The following TRPC4AP variants were observed in gnomAD, a reference collection of about 807,000 sequenced individuals.
The protein encoded by TRPC4AP is transient receptor potential cation channel subfamily C member 4 associated protein.
In TRPC4AP, 45 loss-of-function variants were observed where a neutral mutation model predicts 99.0. The observed-to-expected ratio is 0.45, with a 90% CI of 0.36 to 0.58. The LOEUF (loss-of-function observed/expected upper bound fraction) is 0.58, where lower values mean the gene tolerates loss of function less well. Among genes scored for constraint, TRPC4AP ranks in the 20% least tolerant of loss-of-function variants. The probability of loss-of-function intolerance (pLI) is 0.00; values close to 1 mark genes in which losing one functional copy is unlikely to be tolerated. For synonymous variants in TRPC4AP, 408 were observed against 385.8 expected (o/e 1.06, Z -0.67); for missense variants, 879 against 985.3 (o/e 0.89, Z 1.44).
At chr20:35,068,946 TACACAC>T (rs71196783) in intron 3 of TRPC4AP, among the ~76,000 whole-genome samples, 12 of 113,174 alleles carry the variant, frequency 1.1e-4, no homozygotes, top group Non-Finnish European at 1.9e-4. Flanking sequence ...GGGGAATATT[TACACAC>T]ACACACACAC....
At chr20:35,075,211 C>T (rs985124033) in intron 2 of TRPC4AP, among the ~76,000 whole-genome samples, 4 of 152,038 alleles carry the variant, frequency 2.6e-5, no homozygotes, top group Admixed American at 2.0e-4. Flanking sequence ...GACTCTTTAT[C>T]CAATTTGCCA....
intron 8 of TRPC4AP, among the ~76,000 whole-genome samples, chr20:35,032,467 C>CTTTTTTTT (rs35808832): frequency 1.2e-4 from 11 of 95,232 alleles, no homozygotes; most frequent in Non-Finnish European, 1.8e-4. Context: ...GTTCTTTGAT[C>CTTTTTTTT]TTTTTTTTTT....
intron 1 of TRPC4AP, among the ~76,000 whole-genome samples, chr20:35,078,688 T>TA (rs889798173): frequency 6.6e-4 from 101 of 152,246 alleles, no homozygotes; most frequent in African/African-American, 2.3e-3. Context: ...GGAAAGAGAC[T>TA]AAAAGAATGG....
At position 35,068,978 on chromosome 20, in the gene TRPC4AP, C is replaced by CAAAAAA. The variant is rs1555914270; in HGVS notation, c.414+312_414+317dup. On this transcript the variant is annotated intron_variant, in intron 3 of 18. Transcript: ENST00000252015. Reference sequence around the variant, plus strand: ...ACACACACACACACACACACACACACAAAAAAAACAAAACATCTTAAGCAG... The same window carrying CAAAAAA: ...ACACACACACACACACACACACACACAAAAAAAAAAAAAACAAAACATCTTAAGCAG... 3.9e-4 allele frequency among the ~76,000 whole-genome samples: 37 copies of CAAAAAA among 95,184 alleles called. 1 individual carries two copies. The highest frequency in any genetic ancestry group is 1.4e-3 in the South Asian group (5 of 3,576). The allele number at this position is 95,184 out of a possible 152,430, so 62.4% of individuals were successfully genotyped here.
At chr20:35,079,491 G>A (rs1343397335) in intron 1 of TRPC4AP, among the ~76,000 whole-genome samples, 2 of 152,090 alleles carry the variant, frequency 1.3e-5, no homozygotes, top group African/African-American at 4.8e-5. Context: ...TACAGAAAGA[G>A]CAGTTTAAGC....
rs777617404 is a variant in TRPC4AP at position 35,006,484 on chromosome 20, T to C, written c.1778A>G (p.Asn593Ser). 4.3e-6 allele frequency: 7 copies of C among 1,614,118 alleles called. No homozygotes were observed. The highest frequency in any genetic ancestry group is 1.7e-5 in the Admixed American group (1 of 60,006). Reference sequence around the variant, plus strand: ...ATTGAATCTCTTGAATGCATCAACGTTGAACTTCATCAGCTCCCCCAGGAG... The same window carrying C: ...ATTGAATCTCTTGAATGCATCAACGCTGAACTTCATCAGCTCCCCCAGGAG... ...FDLLGELMKFNVDAFKRFNKY... is the reference protein window; with the variant it reads ...FDLLGELMKFSVDAFKRFNKY... Residue 593 changes from asparagine to serine, a missense_variant, in exon 15 of 19, where the codon AAC becomes AGC. Coordinates refer to ENST00000252015, the MANE Select transcript of TRPC4AP (RefSeq NM_015638.3).
intron 3 of TRPC4AP, 104 bp from the exon 4 acceptor site, chr20:35,057,675 C>G (rs1315077697): frequency 1.1e-6 from 1 of 900,232 alleles, no homozygotes; most frequent in African/African-American, 1.7e-5. Flanking sequence ...CACAGTATTA[C>G]AAGACCCTTT....
Position 35,003,132 on chromosome 20 carries a change from G to T in TRPC4AP, c.*14C>A, listed in dbSNP as rs778834984. ...CCACACTGGCCCAGCAGCCTCCCGA[G>T]GCCTGGCCCAAGGTCACTCCTCAGT... On this transcript the variant is annotated 3_prime_UTR_variant, in exon 19 of 19. Transcript: ENST00000252015. 7.4e-6 allele frequency: 12 copies of T among 1,613,876 alleles called. No individual in the cohort carries two copies.
chr20:35,081,644 A>T (rs1039025073), intron 1 of TRPC4AP, among the ~76,000 whole-genome samples: 1 of 152,248 alleles, frequency 6.6e-6, no homozygotes, highest in Non-Finnish European at 1.5e-5. Flanking sequence ...CAATGTAAAC[A>T]TATACCAAAA....
intron 1 of TRPC4AP, among the ~76,000 whole-genome samples, chr20:35,090,377 CTTTT>C (rs71196792): frequency 7.9e-5 from 7 of 88,992 alleles, no homozygotes; most frequent in Non-Finnish European, 1.2e-4. Context: ...ATCTGGTGAG[CTTTT>C]TTTTTTTTTT....
intron 5 of TRPC4AP, among the ~76,000 whole-genome samples, chr20:35,051,282 T>C (rs1349757291): frequency 6.6e-6 from 1 of 152,128 alleles, no homozygotes; most frequent in Non-Finnish European, 1.5e-5. Flanking sequence ...ATGAGATATG[T>C]TGCAACAAAT....
rs1430780103 is a variant in TRPC4AP at position 35,068,973 on chromosome 20, AC to A, written c.414+322del. On this transcript the variant is annotated intron_variant, in intron 3 of 18. Coordinates refer to ENST00000252015, the MANE Select transcript of TRPC4AP (RefSeq NM_015638.3). ...CACACACACACACACACACACACACACACACAAAAAAAACAAAACATCTTAA... is the reference window on the plus strand; with the variant it reads ...CACACACACACACACACACACACACAACACAAAAAAAACAAAACATCTTAA... Among the ~76,000 whole-genome samples the A allele has an allele frequency of 8.3e-3, 546 of 65,754 alleles. 7 individuals are homozygous for A. Among genetic ancestry groups the A allele is most frequent in the African/African-American group, 0.041 (526 of 12,810 alleles). The allele number at this position is 65,754 out of a possible 152,430, so 43.1% of individuals were successfully genotyped here.
In TRPC4AP at chr20:35,016,125, A is replaced by T. The variant is rs1475651974; in HGVS notation, c.1233T>A (p.Ile411=). 1 of 1,614,076 alleles carries T rather than the reference A, an allele frequency of 6.2e-7. No individual in the cohort carries two copies. Among genetic ancestry groups the T allele is most frequent in the African/African-American group, 1.3e-5 (1 of 74,932 alleles). ...GRQRNQVHRM[I]AEFKLIPGLN... ...GTCCAGGGATCAGCTTGAACTCTGC[A>T]ATCATTCTGTGAACCTGAATGGGAT... is the stretch of plus-strand genomic sequence containing the variant. The change falls in exon 10 of 19, where the codon ATT becomes ATA. Residue 411 remains isoleucine, a synonymous_variant. Transcript: ENST00000252015.
At chr20:35,036,675 G>A (rs954314236) in intron 7 of TRPC4AP, among the ~76,000 whole-genome samples, 4 of 152,142 alleles carry the variant, frequency 2.6e-5, no homozygotes, top group African/African-American at 7.2e-5. Context: ...GGCCAGGCAC[G>A]GTGGCTCATG....
At chr20:35,074,060 T>C (rs1310020808) in intron 2 of TRPC4AP, among the ~76,000 whole-genome samples, 1 of 152,246 alleles carries the variant, frequency 6.6e-6, no homozygotes, top group Non-Finnish European at 1.5e-5. Context: ...TTTATTTCCG[T>C]AGAGGTGTTT....
intron 2 of TRPC4AP, among the ~76,000 whole-genome samples, chr20:35,074,432 C>T (rs1201310264): frequency 6.6e-6 from 1 of 152,218 alleles, no homozygotes; most frequent in Non-Finnish European, 1.5e-5. Flanking sequence ...CCTCTACACA[C>T]TGCTTTAAAT....
chr20:35,079,261 A>C (rs1348868257), intron 1 of TRPC4AP, among the ~76,000 whole-genome samples: 1 of 152,226 alleles, frequency 6.6e-6, no homozygotes, highest in East Asian at 1.9e-4. Context: ...ACAGCATGTC[A>C]AAATATGAGG....
intron 6 of TRPC4AP, among the ~76,000 whole-genome samples, chr20:35,047,997 A>G (rs1025263914): frequency 3.9e-5 from 6 of 152,112 alleles, no homozygotes; most frequent in African/African-American, 1.2e-4. Context: ...AGTAGTATAC[A>G]AGTGTTTCCA....
chr20:35,044,412 A>AG (rs2083510888), intron 7 of TRPC4AP, 93 bp downstream of exon 7: 6 of 1,288,736 alleles, frequency 4.7e-6, no homozygotes, highest in Admixed American at 4.9e-5. Context: ...AAAAAAAAAA[A>AG]AAAGAAAAGA....
Sources: allele counts gnomAD v4.1 joint callset (sites outside exome capture counted in the v4.1 genomes callset), GRCh38; gene constraint gnomAD v4.1.1; transcripts MANE v1.5; gene names NCBI Gene and HGNC (gene_info 2026-07-23, HGNC 2026-07-21).